The following DLC1 variants were observed in gnomAD, a reference collection of about 807,000 sequenced individuals.
DLC1 encodes the protein rho GTPase-activating protein 7.
Under a neutral mutation model 140.3 loss-of-function variants are expected in DLC1, and 54 were observed. The observed-to-expected ratio is 0.38, with a 90% CI of 0.31 to 0.48. The LOEUF is 0.48. Ranked by LOEUF, DLC1 falls within the 20% of genes least tolerant of loss-of-function variation. DLC1 has a pLI of 0.96. For synonymous variants in DLC1, 986 were observed against 728.1 expected (o/e 1.35, Z -5.70); for missense variants, 2,536 against 1,907.0 (o/e 1.33, Z -6.14).
intron 5 of DLC1, among the ~76,000 whole-genome samples, chr8:13,284,660 T>G (rs1299674469): frequency 6.6e-6 from 1 of 152,156 alleles, no homozygotes; most frequent in Non-Finnish European, 1.5e-5. Context: ...TCTAGTCAGA[T>G]CAACTACAAG....
intron 4 of DLC1, among the ~76,000 whole-genome samples, chr8:13,331,217 A>T (rs1243079324): frequency 6.6e-6 from 1 of 152,156 alleles, no homozygotes; most frequent in East Asian, 1.9e-4. Flanking sequence ...TCAATTTTTA[A>T]TTTTTGTTAT....
At chr8:13,128,095 G>T (rs1821740100) in intron 5 of DLC1, among the ~76,000 whole-genome samples, 1 of 151,692 alleles carries the variant, frequency 6.6e-6, no homozygotes, top group South Asian at 2.1e-4. Flanking sequence ...GCTGATGAAT[G>T]ATTAAGAGAA....
Position 13,098,561 on chromosome 8 carries a change from C to G in DLC1, c.3005G>C (p.Trp1002Ser), listed in dbSNP as rs762515332. 1.9e-6 allele frequency: 3 copies of G among 1,613,974 alleles called. No individual in the cohort carries two copies. The highest frequency in any genetic ancestry group is 2.5e-6 in the Non-Finnish European group (3 of 1,179,928). ...LTRSNRHRLR[W>S]HSFQSSHRPS... ...CCGATGTGAGCTCTGGAAACTGTGC[C>G]ATCTCAGTCGGTGCCTGCGAGAGAA... The change falls in exon 10 of 18, where the codon TGG (tryptophan) becomes TCG (serine). Residue 1002 changes from tryptophan to serine, a missense_variant. Trp to Ser is a radical substitution (Grantham distance 177, BLOSUM62 -3). Transcript: ENST00000276297.
At position 13,098,735 on chromosome 8, in the gene DLC1, C is replaced by T. The variant is rs193294172; in HGVS notation, c.2991-160G>A. Among the ~76,000 whole-genome samples, 5 of 152,346 alleles carry T rather than the reference C, an allele frequency of 3.3e-5. No homozygotes were observed. The East Asian group carries it at 5.8e-4, about 18-fold the overall frequency. The stretch of plus-strand genomic sequence containing the variant: ...AGCTCAAGTGATCCTCCTGCCTCAG[C>T]CTCCTGAGTAGCCAGGACTGTAGGC... On this transcript the variant is annotated intron_variant, in intron 9 of 17. Coordinates refer to ENST00000276297, the MANE Select transcript of DLC1 (RefSeq NM_182643.3).
At chr8:13,189,836 C>T (rs979891991) in intron 5 of DLC1, among the ~76,000 whole-genome samples, 6 of 151,846 alleles carry the variant, frequency 4.0e-5, no homozygotes, top group African/African-American at 1.2e-4. Context: ...GAGCCAAGAT[C>T]GCGCCATTGC....
chr8:13,325,242 G>T (rs1351587067), intron 4 of DLC1, among the ~76,000 whole-genome samples: 1 of 152,218 alleles, frequency 6.6e-6, no homozygotes, highest in Non-Finnish European at 1.5e-5. Context: ...GGCCTGGAAA[G>T]GAAGTAGGAG....
At chr8:13,560,144 T>G (rs1804187726) in intron 1 of DLC1, among the ~76,000 whole-genome samples, 1 of 152,202 alleles carries the variant, frequency 6.6e-6, no homozygotes, top group South Asian at 2.1e-4. Context: ...GCATATTCAT[T>G]TTGAATATAG....
At chr8:13,321,554 A>C (rs1403268179) in intron 4 of DLC1, among the ~76,000 whole-genome samples, 33 of 150,710 alleles carry the variant, frequency 2.2e-4, no homozygotes, top group South Asian at 1.5e-3. Context: ...AAAAAAAAAA[A>C]AAAAAAAAAA....
chr8:13,110,953 C>T, intron 6 of DLC1, 130 bp from the exon 7 acceptor site: 1 of 750,454 alleles, frequency 1.3e-6, no homozygotes, highest in Non-Finnish European at 2.2e-6. Context: ...CACCTCATTC[C>T]CCGTCAAGTT....
At chr8:13,485,848 G>A (rs568080359) in intron 2 of DLC1, among the ~76,000 whole-genome samples, 5 of 152,116 alleles carry the variant, frequency 3.3e-5, no homozygotes, top group Non-Finnish European at 7.4e-5. Context: ...AACTTAGCAT[G>A]CTTTTTGTTT....
intron 4 of DLC1, among the ~76,000 whole-genome samples, chr8:13,330,675 T>C (rs1202075392): frequency 2.0e-5 from 3 of 152,158 alleles, no homozygotes; most frequent in Admixed American, 2.0e-4. Context: ...GTCACAGGTA[T>C]AGACAAAAAA....
At chr8:13,185,329 A>G (rs1305366161) in intron 5 of DLC1, among the ~76,000 whole-genome samples, 2 of 111,102 alleles carry the variant, frequency 1.8e-5, no homozygotes, top group Non-Finnish European at 3.8e-5. Flanking sequence ...TGTTTTTGAG[A>G]TGGAGTCTCA....
At chr8:13,166,620 G>C (rs936724252) in intron 5 of DLC1, among the ~76,000 whole-genome samples, 2 of 152,198 alleles carry the variant, frequency 1.3e-5, no homozygotes, top group African/African-American at 4.8e-5. Context: ...GGCATAAGCC[G>C]TGGCTCCAGG....
At chr8:13,530,321 T>C (rs563927189) in intron 1 of DLC1, among the ~76,000 whole-genome samples, 2 of 152,320 alleles carry the variant, frequency 1.3e-5, no homozygotes, top group East Asian at 3.9e-4. Context: ...GTAAATAGAA[T>C]AATGAGATTC....
At chr8:13,575,289 G>A (rs553689790) in intron 1 of DLC1, among the ~76,000 whole-genome samples, 3 of 152,110 alleles carry the variant, frequency 2.0e-5, no homozygotes, top group Non-Finnish European at 4.4e-5. Context: ...GACTAATGGT[G>A]CCACATATGC....
Position 13,298,118 on chromosome 8 carries a change from A to G in DLC1, c.1348+7151T>C, listed in dbSNP as rs149537736. 3.6e-3 allele frequency among the ~76,000 whole-genome samples: 553 copies of G among 152,328 alleles called. 1 individual carries two copies. Among genetic ancestry groups the G allele is most frequent in the South Asian group, 0.014 (68 of 4,830 alleles). ...TTTGGAGAGACCGTGACTCTGGTAT[A>G]TGCTTCTGAAAGCTATCCTTCACAA... On this transcript the variant is annotated intron_variant, in intron 5 of 17. Coordinates refer to ENST00000276297, the MANE Select transcript of DLC1 (RefSeq NM_182643.3).
intron 1 of DLC1, among the ~76,000 whole-genome samples, chr8:13,507,820 A>T (rs1368386210): frequency 6.6e-6 from 1 of 152,218 alleles, no homozygotes; most frequent in East Asian, 1.9e-4. Flanking sequence ...TAATGAGCCA[A>T]GTAAGGGGAA....
intron 5 of DLC1, among the ~76,000 whole-genome samples, chr8:13,144,470 T>G (rs1823268319): frequency 6.6e-6 from 1 of 152,158 alleles, no homozygotes; most frequent in African/African-American, 2.4e-5. Context: ...ATTCCCTTAA[T>G]AAATTATCTC....
chr8:13,498,207 T>C (rs1801605302), intron 2 of DLC1, among the ~76,000 whole-genome samples: 1 of 152,182 alleles, frequency 6.6e-6, no homozygotes, highest in South Asian at 2.1e-4. Context: ...AAGAAGAAAC[T>C]GTGCTTGGAC....
Sources: allele counts gnomAD v4.1 joint callset (sites outside exome capture counted in the v4.1 genomes callset), GRCh38; gene constraint gnomAD v4.1.1; transcripts MANE v1.5; gene names NCBI Gene and HGNC (gene_info 2026-07-23, HGNC 2026-07-21).